KIF1B: variants seen among roughly 807,000 people sequenced by gnomAD.
KIF1B encodes the protein kinesin-like protein KIF1B.
Under a neutral mutation model 241.9 loss-of-function variants are expected in KIF1B, and 76 were observed. That is an observed-to-expected ratio of 0.31 (90% CI 0.26 to 0.38). KIF1B has a LOEUF of 0.38. KIF1B is among the 10% of genes least tolerant of loss of function. The pLI, the probability that KIF1B is intolerant of heterozygous loss-of-function variation, is 1.00. For missense variants in KIF1B, 1,622 were observed against 2,271.4 expected (o/e 0.71, Z 5.81); for synonymous variants, 750 against 796.7 (o/e 0.94, Z 0.99).
Position 10,304,258 on chromosome 1 carries a change from A to G in KIF1B, c.2115+7012A>G, listed in dbSNP as rs778184976. The G allele has an allele frequency of 2.5e-5, 41 of 1,614,100 alleles. No individual in the cohort carries two copies. In the Middle Eastern group the frequency reaches 9.9e-4, roughly 39 times the overall value. On this transcript the variant is annotated intron_variant, in intron 22 of 48. Coordinates refer to ENST00000676179, the MANE Select transcript of KIF1B (RefSeq NM_001365951.3). ...CCAGTTTCCATGGGGCTCTCAAGGA[A>G]TGAGAAGTCAAGATCACATCCAAGT...
intron 5 of KIF1B, among the ~76,000 whole-genome samples, chr1:10,263,833 C>G (rs903158075): frequency 1.3e-5 from 2 of 152,134 alleles, no homozygotes; most frequent in Admixed American, 6.6e-5. Flanking sequence ...ACTGTGGTTT[C>G]TTGCCACATT....
intron 2 of KIF1B, among the ~76,000 whole-genome samples, chr1:10,246,368 C>T (rs1175071741): frequency 2.6e-5 from 4 of 152,198 alleles, no homozygotes; most frequent in Non-Finnish European, 4.4e-5. Flanking sequence ...GCCATTTCTA[C>T]TCTAGTCAAG....
chr1:10,315,171 CTTTT>C (rs765236286), intron 22 of KIF1B, among the ~76,000 whole-genome samples: 1 of 80,064 alleles, frequency 1.2e-5, no homozygotes, highest in Non-Finnish European at 2.4e-5. Flanking sequence ...CAAGAATATT[CTTTT>C]TTTTTTTTTT....
At chr1:10,324,132 C>T in intron 25 of KIF1B, 70 bp downstream of exon 25, 2 of 1,377,824 alleles carry the variant, frequency 1.5e-6, no homozygotes, top group South Asian at 2.3e-5. Flanking sequence ...AGTGAGCTCC[C>T]TCCAGCTCTC....
chr1:10,303,337 C>T lies in KIF1B; in HGVS notation c.2115+6091C>T. On this transcript the variant is annotated intron_variant, in intron 22 of 48. Coordinates refer to ENST00000676179, the MANE Select transcript of KIF1B (RefSeq NM_001365951.3). The surrounding 1 kb of genome is among the most constrained non-coding windows in gnomAD (Gnocchi z 5.2). ...TGAACCAATTAAAATGTATCAGATA[C>T]CCCAAAGAAGGCGCTTGAGTAAAGA... is the stretch of plus-strand genomic sequence containing the variant. 1 of 1,614,126 alleles carries T rather than the reference C, an allele frequency of 6.2e-7. No homozygotes were observed. Among genetic ancestry groups the T allele is most frequent in the Non-Finnish European group, 8.5e-7 (1 of 1,180,036 alleles).
intron 41 of KIF1B, 129 bp downstream of exon 41, chr1:10,363,473 C>T: frequency 1.3e-6 from 1 of 771,740 alleles, no homozygotes; most frequent in Non-Finnish European, 2.3e-6. Flanking sequence ...GGGTGGATCA[C>T]CTGAGTCCAG....
chr1:10,267,093 C>G (rs1368043400), intron 5 of KIF1B, among the ~76,000 whole-genome samples: 1 of 151,966 alleles, frequency 6.6e-6, no homozygotes, highest in Non-Finnish European at 1.5e-5. Flanking sequence ...TATCGGCTCA[C>G]TCTAACCTCC....
intron 24 of KIF1B, among the ~76,000 whole-genome samples, chr1:10,323,109 G>A (rs1044582878): frequency 2.6e-5 from 4 of 151,972 alleles, no homozygotes; most frequent in Non-Finnish European, 5.9e-5. Context: ...TGATCCTTCC[G>A]CCTCGGCCTT....
At chr1:10,296,551 GATAACAT>G (rs1650270011) in intron 19 of KIF1B, 24 bp from the exon 20 acceptor site, 1 of 1,549,534 alleles carries the variant, frequency 6.5e-7, no homozygotes, top group African/African-American at 1.4e-5. Context: ...AGTTTGTAAT[GATAACAT>G]TAGTTTGTGT....
intron 5 of KIF1B, among the ~76,000 whole-genome samples, chr1:10,267,075 G>T (rs115221625): frequency 0.019 from 2,826 of 151,900 alleles, 41 homozygotes; most frequent in Non-Finnish European, 0.028. Flanking sequence ...TGAAGTGCAG[G>T]GGTGTGATAT....
At chr1:10,353,485 C>T (rs990624921) in intron 38 of KIF1B, among the ~76,000 whole-genome samples, 1 of 152,152 alleles carries the variant, frequency 6.6e-6, no homozygotes, top group Non-Finnish European at 1.5e-5. Flanking sequence ...TCAGAGGCTC[C>T]GTCTCTATAT....
intron 38 of KIF1B, among the ~76,000 whole-genome samples, chr1:10,357,469 C>G (rs958636003): frequency 6.6e-6 from 1 of 152,202 alleles, no homozygotes; most frequent in Non-Finnish European, 1.5e-5. Context: ...AGTGTAATGG[C>G]TCACACCTGT....
intron 22 of KIF1B, among the ~76,000 whole-genome samples, chr1:10,297,552 G>A (rs547974046): frequency 6.6e-6 from 1 of 152,258 alleles, no homozygotes; most frequent in African/African-American, 2.4e-5. Context: ...AGTGGTTTTG[G>A]AATTTGCTTC....
chr1:10,231,727 G>A (rs1053483692), intron 1 of KIF1B, among the ~76,000 whole-genome samples: 5 of 152,078 alleles, frequency 3.3e-5, no homozygotes, highest in Admixed American at 6.6e-5. Context: ...TGGTTTGCAC[G>A]TGGAAAGTTA....
intron 2 of KIF1B, among the ~76,000 whole-genome samples, chr1:10,253,176 C>T (rs1301229085): frequency 2.6e-5 from 4 of 152,190 alleles, no homozygotes; most frequent in Non-Finnish European, 4.4e-5. Flanking sequence ...ATGATGGTGT[C>T]TGGGCTAAGA....
chr1:10,259,045 ATG>A (rs1380835326), intron 4 of KIF1B, among the ~76,000 whole-genome samples: 1 of 152,002 alleles, frequency 6.6e-6, no homozygotes, highest in Non-Finnish European at 1.5e-5. Context: ...CCTCTGAAGA[ATG>A]TGATTATTTT....
At chr1:10,334,182 G>C (rs1652073723) in intron 27 of KIF1B, among the ~76,000 whole-genome samples, 1 of 146,144 alleles carries the variant, frequency 6.8e-6, no homozygotes, top group Non-Finnish European at 1.5e-5. Context: ...TTGAGCTCTT[G>C]AATGGGCTCC....
Position 10,376,866 on chromosome 1 carries a change from C to G in KIF1B, c.*279C>G, listed in dbSNP as rs78490707. On this transcript the variant is annotated 3_prime_UTR_variant, in exon 49 of 49. Transcript: ENST00000676179. The stretch of plus-strand genomic sequence containing the variant: ...ACACACACACACACACACACACACA[C>G]ATACACAGACAAAAACACAAAAACT... 5 of 339,052 alleles carry G rather than the reference C, an allele frequency of 1.5e-5. No individual in the cohort carries two copies. Among genetic ancestry groups the G allele is most frequent in the Non-Finnish European group, 2.7e-5 (5 of 183,840 alleles). The allele number at this position is 339,052 out of a possible 1,614,324, so 21.0% of individuals were successfully genotyped here.
chr1:10,313,695 T>C (rs919675608), intron 22 of KIF1B, among the ~76,000 whole-genome samples: 8 of 149,772 alleles, frequency 5.3e-5, no homozygotes, highest in Non-Finnish European at 1.0e-4. Context: ...GGACTACAGG[T>C]GCCCACCACC....
Sources: gnomAD v4.1 joint callset for allele counts (sites outside exome capture counted in the v4.1 genomes callset) on GRCh38, gnomAD v4.1.1 for gene constraint, Gnocchi (gnomAD v3.1) non-coding constraint, MANE v1.5 for transcripts, NCBI Gene and HGNC (gene_info 2026-07-23, HGNC 2026-07-21) for gene names.